ARFGEF2: variants seen among roughly 807,000 people sequenced by gnomAD.
ARFGEF2 encodes ARF guanine nucleotide exchange factor 2, also known as brefeldin A-inhibited guanine nucleotide-exchange protein 2.
Under a neutral mutation model 219.9 loss-of-function variants are expected in ARFGEF2, and 74 were observed. That is an observed-to-expected ratio of 0.34 (90% CI 0.28 to 0.41). The LOEUF is 0.41. ARFGEF2 is among the 10% of genes least tolerant of loss of function. The pLI is 1.00. For synonymous variants in ARFGEF2, 733 were observed against 799.2 expected (o/e 0.92, Z 1.40); for missense variants, 1,743 against 2,218.3 (o/e 0.79, Z 4.30).
rs1317840037 is a variant in ARFGEF2, at chr20:48,941,928, G to A, written c.217G>A (p.Glu73Lys). ...IEADKYFLPF[E>K]LACQSKSPRV... is the part of the protein sequence containing the mutation. ...AGCTGACAAGTATTTTCTTCCATTC[G>A]AGCTAGCTTGCCAGTCCAAGTCCCC... Residue 73 changes from glutamate (E) to lysine (K), a missense_variant, in exon 3 of 39, where the codon GAG (glutamate) becomes AAG (lysine). Coordinates refer to ENST00000371917, the MANE Select transcript of ARFGEF2 (RefSeq NM_006420.3). The A allele has an allele frequency of 1.9e-6, 3 of 1,614,114 alleles. No homozygotes were observed. The highest frequency in any genetic ancestry group is 1.7e-5 in the Admixed American group (1 of 60,012).
At chr20:49,027,158 C>G (rs2091608607) in intron 36 of ARFGEF2, among the ~76,000 whole-genome samples, 1 of 151,582 alleles carries the variant, frequency 6.6e-6, no homozygotes. Context: ...GATCTTGGCT[C>G]ACTGCAACCT....
intron 34 of ARFGEF2, 118 bp downstream of exon 34, chr20:49,019,116 A>T (rs1174262898): frequency 1.2e-6 from 1 of 818,724 alleles, no homozygotes; most frequent in East Asian, 2.8e-5. Flanking sequence ...TCAGTCTGCC[A>T]GTTCTCTGTA....
intron 26 of ARFGEF2, among the ~76,000 whole-genome samples, chr20:49,008,747 G>A (rs899401957): frequency 3.1e-5 from 4 of 128,786 alleles, no homozygotes; most frequent in Non-Finnish European, 3.1e-5. Context: ...TTGCCCTGTC[G>A]CCCAGGCTGG....
chr20:49,003,347 G>A (rs1256062869), intron 25 of ARFGEF2, among the ~76,000 whole-genome samples: 1 of 151,168 alleles, frequency 6.6e-6, no homozygotes, highest in Non-Finnish European at 1.5e-5. Context: ...GCTCATGCCT[G>A]TAATCCCAGC....
In ARFGEF2 at chr20:48,988,538, TATCAATGATAGTAAAG is replaced by T. The variant is rs1854108028; in HGVS notation, c.2413_2428del (p.Asn805CysfsTer13). On this transcript the variant is annotated frameshift_variant, in exon 18 of 39. Coordinates refer to ENST00000371917, the MANE Select transcript of ARFGEF2 (RefSeq NM_006420.3). LOFTEE classifies it high-confidence loss of function. ...AGCAGTATATTAAAATGAATCGGGGTATCAATGATAGTAAAGATCTGCCAGAAGAGTATCTCTCAAG... is the reference window on the plus strand; with the variant it reads ...AGCAGTATATTAAAATGAATCGGGGTATCTGCCAGAAGAGTATCTCTCAAG... The T allele has an allele frequency of 6.2e-7, 1 of 1,613,502 alleles. No individual in the cohort carries two copies. The highest frequency in any genetic ancestry group is 1.3e-5 in the African/African-American group (1 of 74,868).
At chr20:48,941,611 A>G (rs2090993526) in intron 2 of ARFGEF2, among the ~76,000 whole-genome samples, 2 of 152,206 alleles carry the variant, frequency 1.3e-5, no homozygotes. Flanking sequence ...TTTCAGAGAT[A>G]TAGCTCTGGC....
chr20:49,028,509 A>G (rs758560933), intron 36 of ARFGEF2, 21 bp from the exon 37 acceptor site: 12 of 1,612,652 alleles, frequency 7.4e-6, no homozygotes, highest in Non-Finnish European at 1.0e-5. Flanking sequence ...TGCACTAATT[A>G]TATGACTGTC....
intron 3 of ARFGEF2, among the ~76,000 whole-genome samples, chr20:48,944,568 C>A (rs1030934845): frequency 1.3e-5 from 2 of 152,192 alleles, no homozygotes; most frequent in Non-Finnish European, 2.9e-5. Context: ...TCAAGTGATT[C>A]TCCCACCTCA....
Position 49,033,278 on chromosome 20 carries a change from T to C in ARFGEF2, c.*79T>C. ...TCTGACTGGCACATCTCGTGAAGTTTCATAGAAACAAGGAGTTGGCATCTT... is the reference window on the plus strand; with the variant it reads ...TCTGACTGGCACATCTCGTGAAGTTCCATAGAAACAAGGAGTTGGCATCTT... On this transcript the variant is annotated 3_prime_UTR_variant, in exon 39 of 39. Transcript: ENST00000371917. 1 of 1,546,930 alleles carries C rather than the reference T, an allele frequency of 6.5e-7. No individual in the cohort carries two copies. Among genetic ancestry groups the C allele is most frequent in the Admixed American group, 1.7e-5 (1 of 58,602 alleles).
intron 1 of ARFGEF2, among the ~76,000 whole-genome samples, chr20:48,926,788 AG>A (rs2090879521): frequency 6.6e-6 from 1 of 152,202 alleles, no homozygotes; most frequent in Non-Finnish European, 1.5e-5. Flanking sequence ...CTTTGGGTAC[AG>A]CAGGCAATGG....
chr20:48,926,486 C>T (rs1459405606), intron 1 of ARFGEF2, among the ~76,000 whole-genome samples: 1 of 151,394 alleles, frequency 6.6e-6, no homozygotes, highest in Non-Finnish European at 1.5e-5. Flanking sequence ...CAGGATCTTG[C>T]TCTGTGGCCC....
In ARFGEF2 at chr20:49,028,669, G is replaced by A; in HGVS notation, c.5063+1G>A. 7 of 1,613,748 alleles carry A rather than the reference G, an allele frequency of 4.3e-6. No homozygotes were observed. Among genetic ancestry groups the A allele is most frequent in the Non-Finnish European group, 5.9e-6 (7 of 1,179,782 alleles). On this transcript the variant is annotated splice_donor_variant, in intron 37 of 38. Coordinates refer to ENST00000371917, the MANE Select transcript of ARFGEF2 (RefSeq NM_006420.3). LOFTEE classifies it high-confidence loss of function. ...AAGAAATACAGCAGAGACTTTTAAC[G>A]TAAGAAAATTAGTTTCTGATTAGAT...
rs748765878 is a variant in ARFGEF2 at position 48,971,323 on chromosome 20, A to T, written c.1394A>T (p.Asn465Ile). ...SLAIFLTLLS[N>I]FKMHLKMQIE... ...GCCATTTTTCTTACTCTTCTTTCAA[A>T]CTTTAAAATGCACTTGAAAATGCAG... The change falls in exon 10 of 39, where the codon AAC becomes ATC. Residue 465 changes from asparagine (N) to isoleucine (I), a missense_variant. By Grantham distance (149) the Asn-to-Ile change is moderately radical. Around this residue, in one of 5 missense-constraint regions of ARFGEF2, gnomAD observed 666 missense variants for 955.4 expected, o/e 0.70. Coordinates refer to ENST00000371917, the MANE Select transcript of ARFGEF2 (RefSeq NM_006420.3). 1 of 1,614,112 alleles carries T rather than the reference A, an allele frequency of 6.2e-7. No individual in the cohort carries two copies. The highest frequency in any genetic ancestry group is 1.1e-5 in the South Asian group (1 of 91,076).
chr20:48,999,746 TAAAAAAA>T (rs761792091), intron 25 of ARFGEF2, among the ~76,000 whole-genome samples: 3 of 111,408 alleles, frequency 2.7e-5, no homozygotes, highest in East Asian at 2.6e-4. Flanking sequence ...GACTCCGTCT[TAAAAAAA>T]AAAAAAAAAA....
chr20:48,945,526 T>C (rs1328940620), intron 3 of ARFGEF2, among the ~76,000 whole-genome samples: 2 of 152,150 alleles, frequency 1.3e-5, no homozygotes, highest in East Asian at 3.8e-4. Flanking sequence ...TTCAACCCAC[T>C]GTGAATCTTG....
In ARFGEF2 at chr20:49,033,173, C is replaced by G; in HGVS notation, c.5332C>G (p.Pro1778Ala). 1 of 1,614,174 alleles carries G rather than the reference C, an allele frequency of 6.2e-7. No homozygotes were observed. The highest frequency in any genetic ancestry group is 8.5e-7 in the Non-Finnish European group (1 of 1,180,034). ...GATACCAGAAGAGCCATCACAGGTA[C>G]CAGCAGCACTGTCACCAGTGTGGTA... ...IWIPEEPSQV[P>A]AALSPVW is the part of the protein sequence containing the mutation. The change falls in exon 39 of 39, where the codon CCA (proline) becomes GCA (alanine). Residue 1778 changes from proline to alanine, a missense_variant. Coordinates refer to ENST00000371917, the MANE Select transcript of ARFGEF2 (RefSeq NM_006420.3).
intron 34 of ARFGEF2, among the ~76,000 whole-genome samples, chr20:49,021,672 C>G (rs2123552029): frequency 6.6e-6 from 1 of 150,962 alleles, no homozygotes; most frequent in Admixed American, 6.6e-5. Flanking sequence ...ATAGTGAAAC[C>G]CCATCTCTAT....
At chr20:48,947,685 C>T (rs1036765372) in intron 3 of ARFGEF2, among the ~76,000 whole-genome samples, 4 of 151,976 alleles carry the variant, frequency 2.6e-5, no homozygotes, top group African/African-American at 7.2e-5. Context: ...ACATGGGGTG[C>T]CTGTACTAAA....
chr20:49,006,179 A>G (rs1369136890), intron 26 of ARFGEF2, among the ~76,000 whole-genome samples: 1 of 152,090 alleles, frequency 6.6e-6, no homozygotes, highest in Non-Finnish European at 1.5e-5. Flanking sequence ...CTGTAATCCC[A>G]GCTACTCAGG....
Sources: gnomAD v4.1 joint callset for allele counts (sites outside exome capture counted in the v4.1 genomes callset) on GRCh38, gnomAD v4.1.1 for gene constraint, gnomAD v4.1.1 regional missense constraint, MANE v1.5 for transcripts, NCBI Gene and HGNC (gene_info 2026-07-23, HGNC 2026-07-21) for gene names.